Variants in TET3 observed in about 807,000 individuals in gnomAD.
The protein encoded by TET3 is tet methylcytosine dioxygenase 3, also known as methylcytosine dioxygenase TET3.
TET3 carries 19 observed loss-of-function variants against 141.4 expected under a neutral mutation model. The observed-to-expected ratio is 0.13, with a 90% CI of 0.09 to 0.20. The LOEUF is 0.20. Among genes scored for constraint, TET3 ranks in the 10% least tolerant of loss-of-function variants. The pLI is 1.00. For synonymous variants in TET3, 1,043 were observed against 980.9 expected, an observed-to-expected ratio of 1.06 and a Z score of -1.18; for missense variants, 1,874 against 2,356.9, an observed-to-expected ratio of 0.80 and a Z score of 4.24.
chr2:74,064,525 G>T (rs1465577055), intron 4 of TET3, among the ~76,000 whole-genome samples: 1 of 152,088 alleles, frequency 6.6e-6, no homozygotes, highest in Non-Finnish European at 1.5e-5. Flanking sequence ...TCAGCCGTTT[G>T]AGTAGCTGGG....
Position 74,101,108 on chromosome 2 carries a change from A to T in TET3, c.4320A>T (p.Gly1440=). The change falls in exon 12 of 12, where the codon GGA becomes GGT. Residue 1440 remains glycine, a synonymous_variant. Transcript: ENST00000409262. The surrounding 1 kb of genome is among the most constrained non-coding windows in gnomAD (Gnocchi z 8.5). ...GTCACCTTTGGGGACAGTACTCAGGAGGCCCAAGCATGTCCCCCAAGAGGA... is the reference window on the plus strand; with the variant it reads ...GTCACCTTTGGGGACAGTACTCAGGTGGCCCAAGCATGTCCCCCAAGAGGA... ...GPSHLWGQYS[G]GPSMSPKRTN... 6.2e-7 allele frequency: 1 copy of T among 1,613,462 alleles called. No individual in the cohort carries two copies. Among genetic ancestry groups the T allele is most frequent in the South Asian group, 1.1e-5 (1 of 90,962 alleles).
intron 3 of TET3, among the ~76,000 whole-genome samples, chr2:74,011,062 C>A (rs1343287801): frequency 6.6e-6 from 1 of 151,634 alleles, no homozygotes; most frequent in Non-Finnish European, 1.5e-5. Flanking sequence ...ATGGAGAAAC[C>A]CCGTCTCTAC....
At chr2:74,068,479 T>C (rs1384908683) in intron 4 of TET3, among the ~76,000 whole-genome samples, 1 of 152,244 alleles carries the variant, frequency 6.6e-6, no homozygotes, top group East Asian at 1.9e-4. Context: ...ATGGATATGC[T>C]GTAATGCATT....
At chr2:74,034,233 A>G (rs560960187) in intron 3 of TET3, among the ~76,000 whole-genome samples, 32 of 149,844 alleles carry the variant, frequency 2.1e-4, no homozygotes, top group Non-Finnish European at 3.7e-4. Context: ...AAAACAAGGT[A>G]TGGCTGTATT....
chr2:74,060,652 C>G (rs1247214922), intron 4 of TET3, among the ~76,000 whole-genome samples: 1 of 151,968 alleles, frequency 6.6e-6, no homozygotes, highest in African/African-American at 2.4e-5. Context: ...TCTGGTTTTC[C>G]TAGGCAGAGG....
rs759711243 is a variant in TET3 at position 74,048,402 on chromosome 2, G to A, written c.2485G>A (p.Asp829Asn). 6 of 1,606,764 alleles carry A rather than the reference G, an allele frequency of 3.7e-6. No homozygotes were observed. Among genetic ancestry groups the A allele is most frequent in the Admixed American group, 3.4e-5 (2 of 59,076 alleles). ...KRAQAEFPTC[D>N]CVEQIVEKDE... is the part of the protein sequence containing the mutation. Reference sequence around the variant, plus strand: ...AGCCCAGGCCGAGTTCCCCACCTGCGATTGCGTCGGTAAGTCCGCCTGGGT... The same window carrying A: ...AGCCCAGGCCGAGTTCCCCACCTGCAATTGCGTCGGTAAGTCCGCCTGGGT... Residue 829 changes from aspartate to asparagine, a missense_variant, in exon 4 of 12, where the codon GAT becomes AAT. Coordinates refer to ENST00000409262, the MANE Select transcript of TET3 (RefSeq NM_001287491.2).
chr2:74,078,256 G>C (rs1043221394), intron 5 of TET3, among the ~76,000 whole-genome samples: 5 of 151,944 alleles, frequency 3.3e-5, no homozygotes, highest in Admixed American at 6.6e-5. Context: ...TGAAACAAAG[G>C]CTTTAAAAGT....
intron 3 of TET3, among the ~76,000 whole-genome samples, chr2:74,045,253 T>A (rs186999540): frequency 1.3e-5 from 2 of 152,366 alleles, no homozygotes; most frequent in Admixed American, 1.3e-4. Flanking sequence ...GGTGTCTGTC[T>A]ACCAGATCTC....
chr2:74,099,757 GC>G (rs1351592998), intron 11 of TET3, 145 bp downstream of exon 11: 1 of 878,262 alleles, frequency 1.1e-6, no homozygotes, highest in African/African-American at 1.7e-5. Context: ...AGCAGCCACA[GC>G]CAGCCTGATA....
At chr2:74,048,468 A>G (rs1687768251) in intron 4 of TET3, 57 bp downstream of exon 4, 2 of 1,502,974 alleles carry the variant, frequency 1.3e-6, no homozygotes, top group African/African-American at 1.4e-5. Context: ...CTGGTGAGCT[A>G]GGATTTCTAG....
At chr2:74,048,887 G>A (rs577722913) in intron 4 of TET3, among the ~76,000 whole-genome samples, 1 of 152,264 alleles carries the variant, frequency 6.6e-6, no homozygotes, top group Non-Finnish European at 1.5e-5. Flanking sequence ...ATGGTGTCAG[G>A]GGCCAGATTG....
chr2:73,991,069 A>G (rs752856807), intron 2 of TET3, among the ~76,000 whole-genome samples: 1 of 151,736 alleles, frequency 6.6e-6, no homozygotes, highest in African/African-American at 2.4e-5. Flanking sequence ...TTGGCCTCCC[A>G]AAGTGCTGGG....
chr2:73,984,117 G>A (rs755503083), upstream of TET3, among the ~76,000 whole-genome samples: 23 of 152,224 alleles, frequency 1.5e-4, no homozygotes, highest in Non-Finnish European at 7.3e-5. This position sits in a 1 kb window ranked among gnomAD's most constrained non-coding sequence, Gnocchi z 5.6. Flanking sequence ...GTCGCCCCAC[G>A]GCCCCCTCGA....
At chr2:74,003,066 C>G (rs1209538362) in intron 2 of TET3, 44 bp from the exon 3 acceptor site, 1 of 1,550,040 alleles carries the variant, frequency 6.5e-7, no homozygotes, top group African/African-American at 1.4e-5. Context: ...TGCTGCCTTC[C>G]TGGTACCCGC....
chr2:74,094,774 T>C (rs1690711325), intron 10 of TET3, among the ~76,000 whole-genome samples: 1 of 152,142 alleles, frequency 6.6e-6, no homozygotes, highest in Non-Finnish European at 1.5e-5. Context: ...ACTCCAAGGC[T>C]TTTTGCTTCA....
intron 3 of TET3, among the ~76,000 whole-genome samples, chr2:74,014,150 T>A (rs569289291): frequency 2.0e-5 from 3 of 152,334 alleles, no homozygotes; most frequent in Admixed American, 6.5e-5. Context: ...TAGTCTTATA[T>A]AAATTGTCAT....
At chr2:74,128,012 A>G in the TET3 span, among the ~76,000 whole-genome samples, 2 of 152,214 alleles carry the variant, frequency 1.3e-5, no homozygotes, top group Non-Finnish European at 2.9e-5. Flanking sequence ...ATAAAAGGAA[A>G]AGTTATAAAG....
At chr2:74,053,915 A>G (rs983140045) in intron 4 of TET3, among the ~76,000 whole-genome samples, 7 of 152,192 alleles carry the variant, frequency 4.6e-5, no homozygotes, top group African/African-American at 1.7e-4. Flanking sequence ...CTATTTGGAC[A>G]CCATATAAAG....
At chr2:74,125,014 T>C in the TET3 span, among the ~76,000 whole-genome samples, 1 of 32,826 alleles carries the variant, frequency 3.0e-5, no homozygotes, top group African/African-American at 4.3e-4. Context: ...ATTTTTTTTC[T>C]TTTTTTTTTT....
Sources: gnomAD v4.1 joint callset for allele counts (sites outside exome capture counted in the v4.1 genomes callset) on GRCh38, gnomAD v4.1.1 for gene constraint, Gnocchi (gnomAD v3.1) non-coding constraint, MANE v1.5 for transcripts, NCBI Gene and HGNC (gene_info 2026-07-23, HGNC 2026-07-21) for gene names.